The following GEMIN2 variants were observed in gnomAD, a reference collection of about 807,000 sequenced individuals.
GEMIN2 encodes gem-associated protein 2.
In GEMIN2, 37 loss-of-function variants were observed where a neutral mutation model predicts 45.8. The observed-to-expected ratio is 0.81, with a 90% confidence interval of 0.62 to 1.06. The LOEUF (loss-of-function observed/expected upper bound fraction) is 1.06. GEMIN2 is among the 50% of genes least tolerant of loss of function. The pLI is 0.00. For missense variants in GEMIN2, 335 were observed against 321.8 expected (o/e 1.04, Z -0.31); for synonymous variants, 101 against 111.5 (o/e 0.91, Z 0.60).
chr14:39,122,710 AT>A (rs1398955074), intron 5 of GEMIN2, 167 bp downstream of exon 5: 2 of 457,246 alleles, frequency 4.4e-6, no homozygotes, highest in East Asian at 3.5e-5. Context: ...AAAGAAACAA[AT>A]AATATGTGGC....
intron 5 of GEMIN2, among the ~76,000 whole-genome samples, chr14:39,124,750 G>T (rs954444042): frequency 3.9e-5 from 6 of 151,978 alleles, no homozygotes; most frequent in Non-Finnish European, 8.8e-5. Flanking sequence ...TCCAGCCTGG[G>T]TGACAGAGTG....
intron 7 of GEMIN2, among the ~76,000 whole-genome samples, chr14:39,128,926 A>G (rs926687368): frequency 3.3e-5 from 5 of 152,164 alleles, no homozygotes; most frequent in Admixed American, 3.3e-4. Flanking sequence ...AGCATGAGCC[A>G]CTGAGCCCGG....
At chr14:39,130,198 G>C (rs957201505) in intron 7 of GEMIN2, among the ~76,000 whole-genome samples, 5 of 151,638 alleles carry the variant, frequency 3.3e-5, no homozygotes, top group African/African-American at 4.8e-5. Context: ...TATAGAAAAA[G>C]AATTCCACAA....
chr14:39,129,605 C>G (rs549188935), intron 7 of GEMIN2, among the ~76,000 whole-genome samples: 2 of 152,024 alleles, frequency 1.3e-5, no homozygotes, highest in African/African-American at 4.8e-5. Flanking sequence ...TAGAGACAGG[C>G]TTTCTCCATG....
At chr14:39,128,967 C>G (rs59884790) in intron 7 of GEMIN2, among the ~76,000 whole-genome samples, 4,568 of 152,152 alleles carry the variant, frequency 0.03, 235 homozygotes, top group African/African-American at 0.1. Flanking sequence ...ATGTTTAGAT[C>G]TGGCCAGGCA....
chr14:39,122,569 C>T, intron 5 of GEMIN2, 26 bp downstream of exon 5: 1 of 1,193,506 alleles, frequency 8.4e-7, no homozygotes, highest in Non-Finnish European at 1.2e-6. Context: ...ATAAACAGAA[C>T]AAAAAGCATT....
intron 2 of GEMIN2, among the ~76,000 whole-genome samples, chr14:39,117,285 A>G (rs1290893991): frequency 6.6e-6 from 1 of 151,184 alleles, no homozygotes; most frequent in Admixed American, 6.6e-5. Context: ...AAAAAAAAAA[A>G]GAAAACAGAA....
chr14:39,132,364 C>T (rs923630512), intron 8 of GEMIN2, among the ~76,000 whole-genome samples: 8 of 152,150 alleles, frequency 5.3e-5, no homozygotes, highest in Admixed American at 4.6e-4. Flanking sequence ...AACCCCGTCT[C>T]TACTAAAAAT....
intron 6 of GEMIN2, among the ~76,000 whole-genome samples, chr14:39,127,106 T>G (rs1207682545): frequency 6.6e-6 from 1 of 151,036 alleles, no homozygotes; most frequent in Non-Finnish European, 1.5e-5. Context: ...TTTTTTTTTT[T>G]TTTGAGACAG....
At chr14:39,117,637 A>G (rs1395389390) in intron 2 of GEMIN2, among the ~76,000 whole-genome samples, 2 of 152,178 alleles carry the variant, frequency 1.3e-5, no homozygotes, top group Non-Finnish European at 1.5e-5. Flanking sequence ...ATTTCATACC[A>G]GAATTCTTTA....
intron 7 of GEMIN2, among the ~76,000 whole-genome samples, chr14:39,130,469 C>T (rs569079458): frequency 1.3e-5 from 2 of 152,256 alleles, no homozygotes; most frequent in East Asian, 3.9e-4. Context: ...GATGAATATA[C>T]ATACCCTTTG....
chr14:39,133,757 G>A (rs1024750285), intron 9 of GEMIN2, 38 bp downstream of exon 9: 1 of 1,080,102 alleles, frequency 9.3e-7, no homozygotes, highest in Non-Finnish European at 1.4e-6. Context: ...ATTTATCAGT[G>A]AGGTCAGTGA....
intron 7 of GEMIN2, among the ~76,000 whole-genome samples, chr14:39,130,683 C>A (rs2052704652): frequency 6.6e-6 from 1 of 152,068 alleles, no homozygotes; most frequent in Non-Finnish European, 1.5e-5. Flanking sequence ...CACTTGAGGT[C>A]AGGAGTTCGA....
intron 2 of GEMIN2, among the ~76,000 whole-genome samples, chr14:39,116,748 GGATT>G (rs369402413): frequency 1.9e-4 from 29 of 152,056 alleles, no homozygotes; most frequent in Middle Eastern, 3.4e-3. Context: ...CTAATTTGAT[GGATT>G]GATTGATTGA....
At chr14:39,115,672 G>T (rs1370487637) in intron 2 of GEMIN2, among the ~76,000 whole-genome samples, 1 of 151,822 alleles carries the variant, frequency 6.6e-6, no homozygotes, top group Non-Finnish European at 1.5e-5. Flanking sequence ...GTCCAGTCTG[G>T]TCTTGAACTC....
At position 39,114,845 on chromosome 14, in the gene GEMIN2, T is replaced by C. The variant is rs2052480418; in HGVS notation, c.154T>C (p.Cys52Arg). Reference protein sequence around the residue: ...LRRVQIEAAQCPDVVVAQIDP... With the variant: ...LRRVQIEAAQRPDVVVAQIDP... ...TATTTGTAGGATCGAAGCAGCTCAA[T>C]GTCCAGATGTTGTGGTAGCTCAAAT... Residue 52 changes from cysteine (C) to arginine (R), a missense_variant, in exon 2 of 10, where the codon TGT becomes CGT. Coordinates refer to ENST00000308317, the MANE Select transcript of GEMIN2 (RefSeq NM_003616.3). 2.6e-6 allele frequency: 4 copies of C among 1,553,290 alleles called. No homozygotes were observed. The highest frequency in any genetic ancestry group is 3.6e-6 in the Non-Finnish European group (4 of 1,124,616).
intron 5 of GEMIN2, among the ~76,000 whole-genome samples, chr14:39,124,461 A>G (rs181779863): frequency 2.9e-4 from 44 of 152,286 alleles, no homozygotes; most frequent in Admixed American, 2.4e-3. Context: ...TACTAAAATC[A>G]TACTTTATTT....
At chr14:39,124,970 T>C (rs765640387) in intron 5 of GEMIN2, 22 bp from the exon 6 acceptor site, 2 of 1,337,498 alleles carry the variant, frequency 1.5e-6, no homozygotes, top group Non-Finnish European at 2.1e-6. Context: ...TTAGTAAAAT[T>C]CAGTCTCATT....
chr14:39,128,414 C>T, intron 7 of GEMIN2, 66 bp downstream of exon 7: 1 of 787,206 alleles, frequency 1.3e-6, no homozygotes, highest in Non-Finnish European at 2.2e-6. Flanking sequence ...CAACTGTGGG[C>T]CACATATACA....
Sources: gnomAD v4.1 joint callset for allele counts (sites outside exome capture counted in the v4.1 genomes callset) on GRCh38, gnomAD v4.1.1 for gene constraint, MANE v1.5 for transcripts, NCBI Gene and HGNC (gene_info 2026-07-23, HGNC 2026-07-21) for gene names.